Variants in MDGA2 observed in about 807,000 individuals in gnomAD.
MDGA2 encodes MAM domain-containing glycosylphosphatidylinositol anchor protein 2.
Under a neutral mutation model 117.8 loss-of-function variants are expected in MDGA2, and 40 were observed. The observed-to-expected ratio is 0.34, with a 90% CI of 0.26 to 0.44. The LOEUF (loss-of-function observed/expected upper bound fraction) is 0.44, where lower values mean the gene tolerates loss of function less well. MDGA2 is among the 20% of genes least tolerant of loss of function. The probability of loss-of-function intolerance (pLI) is 1.00; values close to 1 mark genes in which losing one functional copy is unlikely to be tolerated. For missense variants in MDGA2, 1,123 were observed against 1,250.6 expected (o/e 0.90, Z 1.54); for synonymous variants, 452 against 439.0 (o/e 1.03, Z -0.37).
At chr14:47,105,301 T>G (rs1015538184) in intron 5 of MDGA2, among the ~76,000 whole-genome samples, 49 of 151,856 alleles carry the variant, frequency 3.2e-4, no homozygotes, top group Non-Finnish European at 3.4e-4. Context: ...CACCCTGACC[T>G]CTTATCTCTG....
intron 6 of MDGA2, among the ~76,000 whole-genome samples, chr14:47,073,568 T>C (rs919935258): frequency 6.6e-6 from 1 of 152,154 alleles, no homozygotes; most frequent in Non-Finnish European, 1.5e-5. Context: ...GGTGCACAGA[T>C]GAAGAGCCTA....
chr14:47,257,384 AT>A (rs1300627585), intron 2 of MDGA2, among the ~76,000 whole-genome samples: 1 of 151,924 alleles, frequency 6.6e-6, no homozygotes, highest in Non-Finnish European at 1.5e-5. Flanking sequence ...CCTCCTTTAG[AT>A]TTTTGCTCAA....
rs572732684 is a variant in MDGA2, at chr14:47,393,228, T to C, written c.281-91678A>G. 2.0e-5 allele frequency among the ~76,000 whole-genome samples: 3 copies of C among 151,902 alleles called. No homozygotes were observed. The East Asian group carries it at 5.8e-4, about 29-fold the overall frequency. On this transcript the variant is annotated intron_variant, in intron 1 of 16. Transcript: ENST00000399232. ...CTTTATAGTTGCTTTAAGTGGGGAA[T>C]CTAAAGCGTTCATTTCTTTCACATC... is the stretch of plus-strand genomic sequence containing the variant.
intron 1 of MDGA2, among the ~76,000 whole-genome samples, chr14:47,510,030 A>AT (rs1481192882): frequency 6.6e-6 from 1 of 152,138 alleles, no homozygotes; most frequent in African/African-American, 2.4e-5. Context: ...CTATAGTCTG[A>AT]TATTTGTGTC....
rs1383774717 is a variant in MDGA2, at chr14:47,651,673, TAATG to T, written c.280+22840_280+22843del. On this transcript the variant is annotated intron_variant, in intron 1 of 16. Coordinates refer to ENST00000399232, the MANE Select transcript of MDGA2 (RefSeq NM_001113498.3). ...GGTACTCACAGGGCAAATGGGAGAATAATGAAGAGAATACTACATTCGATGAGAC... is the reference window on the plus strand; with the variant it reads ...GGTACTCACAGGGCAAATGGGAGAATAAGAGAATACTACATTCGATGAGAC... Among the ~76,000 whole-genome samples, 11 of 152,148 alleles carry T rather than the reference TAATG, an allele frequency of 7.2e-5. 2 individuals are homozygous for T. The highest frequency in any genetic ancestry group is 2.4e-4 in the African/African-American group (10 of 41,514).
At chr14:47,326,770 T>C (rs1334933598) in intron 1 of MDGA2, among the ~76,000 whole-genome samples, 1 of 152,066 alleles carries the variant, frequency 6.6e-6, no homozygotes, top group African/African-American at 2.4e-5. Flanking sequence ...AAATTGGTTA[T>C]GGCTTGTCTT....
Position 47,566,530 on chromosome 14 carries a change from C to A in MDGA2, c.280+107987G>T, listed in dbSNP as rs146352764. 7.7e-3 allele frequency among the ~76,000 whole-genome samples: 1,175 copies of A among 152,304 alleles called. 18 individuals are homozygous for A. The highest frequency in any genetic ancestry group is 0.027 in the African/African-American group (1,114 of 41,556). ...ATGTTCCCACATTAAACCCTCTGGG[C>A]TGCACACATGCTGGAGTCTTGCACT... On this transcript the variant is annotated intron_variant, in intron 1 of 16. Transcript: ENST00000399232.
At chr14:47,023,893 A>G (rs1437465252) in intron 8 of MDGA2, among the ~76,000 whole-genome samples, 1 of 152,180 alleles carries the variant, frequency 6.6e-6, no homozygotes, top group Non-Finnish European at 1.5e-5. Context: ...GCAAGAGAGT[A>G]TAGAGTAAGG....
At chr14:47,390,045 A>T (rs1891858454) in intron 1 of MDGA2, among the ~76,000 whole-genome samples, 1 of 151,800 alleles carries the variant, frequency 6.6e-6, no homozygotes, top group Non-Finnish European at 1.5e-5. Flanking sequence ...CTTCCCTTAG[A>T]CTCTTAGTTG....
At chr14:47,521,891 C>T (rs545987368) in intron 1 of MDGA2, among the ~76,000 whole-genome samples, 21 of 151,928 alleles carry the variant, frequency 1.4e-4, no homozygotes, top group Non-Finnish European at 2.9e-4. Context: ...AGGCTGGTTT[C>T]GAACTCCTGA....
intron 2 of MDGA2, among the ~76,000 whole-genome samples, chr14:47,256,733 AC>A (rs1684601197): frequency 6.6e-6 from 1 of 152,106 alleles, no homozygotes; most frequent in African/African-American, 2.4e-5. Context: ...ATCGAATAAC[AC>A]TTTTTATTAA....
At chr14:47,674,447 TGC>T in intron 1 of MDGA2, 68 bp downstream of exon 1, 1 of 1,351,342 alleles carries the variant, frequency 7.4e-7, no homozygotes, top group Non-Finnish European at 1.0e-6. Flanking sequence ...GCGCGAGTCG[TGC>T]ATTTTCGCTC....
intron 10 of MDGA2, among the ~76,000 whole-genome samples, chr14:46,891,063 C>T (rs1370730833): frequency 6.6e-6 from 1 of 151,850 alleles, no homozygotes; most frequent in Non-Finnish European, 1.5e-5. Context: ...TGTCATTTTA[C>T]GTAGTCTTTA....
At chr14:47,380,156 T>G (rs1891580198) in intron 1 of MDGA2, among the ~76,000 whole-genome samples, 1 of 152,194 alleles carries the variant, frequency 6.6e-6, no homozygotes, top group Non-Finnish European at 1.5e-5. Flanking sequence ...GAAATAAAGA[T>G]GTTCTTTGAA....
intron 1 of MDGA2, among the ~76,000 whole-genome samples, chr14:47,525,995 G>C (rs1894966679): frequency 6.6e-6 from 1 of 151,846 alleles, no homozygotes; most frequent in Admixed American, 6.6e-5. Flanking sequence ...GCTTTAATCT[G>C]GATATTTCTA....
At chr14:47,183,546 G>C (rs934627227) in intron 3 of MDGA2, among the ~76,000 whole-genome samples, 4 of 151,896 alleles carry the variant, frequency 2.6e-5, no homozygotes, top group Non-Finnish European at 5.9e-5. Context: ...TTTCATTTTA[G>C]TGTGCTCAAA....
chr14:47,664,039 T>C (rs1157947110), intron 1 of MDGA2, among the ~76,000 whole-genome samples: 17 of 152,046 alleles, frequency 1.1e-4, no homozygotes, highest in Non-Finnish European at 1.5e-5. Flanking sequence ...TCTCTGGAGC[T>C]CTCAAATGAG....
intron 1 of MDGA2, among the ~76,000 whole-genome samples, chr14:47,387,370 G>A (rs1303865092): frequency 6.6e-6 from 1 of 151,808 alleles, no homozygotes; most frequent in Non-Finnish European, 1.5e-5. Context: ...GGAAGCTGGA[G>A]GTGGAGACTA....
intron 8 of MDGA2, among the ~76,000 whole-genome samples, chr14:46,982,734 A>AAAAAATAATAAT (rs1449356596): frequency 7.2e-4 from 94 of 130,386 alleles, no homozygotes; most frequent in Non-Finnish European, 1.1e-3. Context: ...AAAAAAAAAA[A>AAAAAATAATAAT]AATCATGTCA....
Sources: gnomAD v4.1 joint callset for allele counts (sites outside exome capture counted in the v4.1 genomes callset) on GRCh38, gnomAD v4.1.1 for gene constraint, MANE v1.5 for transcripts, NCBI Gene and HGNC (gene_info 2026-07-23, HGNC 2026-07-21) for gene names.